PLEKHM3: variants seen among roughly 807,000 people sequenced by gnomAD.
The protein encoded by PLEKHM3 is pleckstrin homology domain containing M3, also known as pleckstrin homology domain-containing family M member 3.
Under a neutral mutation model 81.8 loss-of-function variants are expected in PLEKHM3, and 45 were observed. The ratio of observed to expected loss-of-function variants is 0.55; its 90% CI spans 0.43 to 0.71. The LOEUF (loss-of-function observed/expected upper bound fraction) is 0.71, where lower values mean the gene tolerates loss of function less well. Ranked by LOEUF, PLEKHM3 falls within the 30% of genes least tolerant of loss-of-function variation. PLEKHM3 has a pLI of 0.00. For missense variants in PLEKHM3, 788 were observed against 924.3 expected, an observed-to-expected ratio of 0.85 and a Z score of 1.91; for synonymous variants, 352 against 356.4, an observed-to-expected ratio of 0.99 and a Z score of 0.14.
chr2:207,927,132 T>C (rs1559240919), intron 5 of PLEKHM3, among the ~76,000 whole-genome samples: 1 of 152,152 alleles, frequency 6.6e-6, no homozygotes, highest in Admixed American at 6.5e-5. Flanking sequence ...AACTCCTCCC[T>C]CTTTCAGTTT....
At chr2:208,024,155 A>AATAAG (rs1310086558) in intron 1 of PLEKHM3, among the ~76,000 whole-genome samples, 4 of 148,178 alleles carry the variant, frequency 2.7e-5, no homozygotes, top group African/African-American at 1.0e-4. Flanking sequence ...AATAAAATAA[A>AATAAG]ATAAAATAAA....
At position 207,839,434 on chromosome 2, in the gene PLEKHM3, G is replaced by A. The variant is rs886163595; in HGVS notation, c.2109-10938C>T. Among the ~76,000 whole-genome samples, 7 of 152,208 alleles carry A rather than the reference G, an allele frequency of 4.6e-5. No homozygotes were observed. In the East Asian group the frequency reaches 1.4e-3, roughly 29 times the overall value. On this transcript the variant is annotated intron_variant, in intron 7 of 7. Transcript: ENST00000427836. ...TTACTGGTTATTGATGTAAATTTAG[G>A]AGAAAGGCATTTAAATAAAAGACCT... is the stretch of plus-strand genomic sequence containing the variant.
At chr2:207,899,120 T>C (rs930495704) in intron 6 of PLEKHM3, among the ~76,000 whole-genome samples, 1 of 152,132 alleles carries the variant, frequency 6.6e-6, no homozygotes, top group Non-Finnish European at 1.5e-5. Context: ...ATGGAGACAA[T>C]GATGTCCGCT....
Position 207,931,109 on chromosome 2 carries a change from T to G in PLEKHM3, c.1703A>C (p.Gln568Pro). ...WDTSKYKVSKQAKEFLEYVYE... is the reference protein window; with the variant it reads ...WDTSKYKVSKPAKEFLEYVYE... ...CACGTACTCCAGAAACTCCTTGGCCTGCTTCGACACCTACAAAACAAGCGT... is the reference window on the plus strand; with the variant it reads ...CACGTACTCCAGAAACTCCTTGGCCGGCTTCGACACCTACAAAACAAGCGT... The change falls in exon 5 of 8, where the codon CAG becomes CCG. Residue 568 changes from glutamine (Q) to proline (P), a missense_variant. Gln to Pro is a moderately conservative substitution (Grantham distance 76, BLOSUM62 -1). Coordinates refer to ENST00000427836, the MANE Select transcript of PLEKHM3 (RefSeq NM_001080475.3). 1.2e-6 allele frequency: 2 copies of G among 1,610,126 alleles called. No homozygotes were observed. Among genetic ancestry groups the G allele is most frequent in the Non-Finnish European group, 1.7e-6 (2 of 1,177,516 alleles).
At position 207,860,083 on chromosome 2, in the gene PLEKHM3, A is replaced by T. The variant is rs1477332626; in HGVS notation, c.2108+1022T>A. On this transcript the variant is annotated intron_variant, in intron 7 of 7. Transcript: ENST00000427836. The stretch of plus-strand genomic sequence containing the variant: ...AGTTTCCTCCCTTTAAGAGGTAGCT[A>T]ATCTCTGGGCTATATAAGCTCTATA... Among the ~76,000 whole-genome samples the T allele has an allele frequency of 2.0e-5, 3 of 151,208 alleles. No homozygotes were observed. The East Asian group carries it at 5.8e-4, about 29-fold the overall frequency.
chr2:207,947,372 C>T (rs544135701), intron 3 of PLEKHM3, among the ~76,000 whole-genome samples: 8 of 152,328 alleles, frequency 5.3e-5, no homozygotes, highest in Admixed American at 2.6e-4. Context: ...ACTCTGTGAG[C>T]GCTGTCTTGG....
At chr2:207,972,807 G>T (rs983814682) in intron 3 of PLEKHM3, among the ~76,000 whole-genome samples, 1 of 151,924 alleles carries the variant, frequency 6.6e-6, no homozygotes, top group African/African-American at 2.4e-5. Context: ...TTTTTCTGCA[G>T]GGCTGTTTAA....
intron 1 of PLEKHM3, among the ~76,000 whole-genome samples, chr2:208,018,368 T>C (rs1225603428): frequency 1.3e-5 from 1 of 74,180 alleles, no homozygotes; most frequent in Admixed American, 1.6e-4. Context: ...CAAGACTCTG[T>C]CTCAAAAAAA....
intron 6 of PLEKHM3, among the ~76,000 whole-genome samples, chr2:207,873,578 C>T (rs1350644687): frequency 6.6e-6 from 1 of 152,190 alleles, no homozygotes; most frequent in African/African-American, 2.4e-5. Context: ...GAAGATACTC[C>T]AGGAAATTCT....
intron 1 of PLEKHM3, among the ~76,000 whole-genome samples, chr2:208,011,621 G>GA (rs1479313498): frequency 1.3e-5 from 2 of 151,898 alleles, no homozygotes; most frequent in Admixed American, 6.6e-5. Context: ...ACAGGGTGGG[G>GA]AGGGGGTGAG....
Position 207,923,550 on chromosome 2 carries a change from T to G in PLEKHM3, c.1886+7376A>C, listed in dbSNP as rs182657765. ...TGAACCAGGGAGGTGGAGGTTGCGG[T>G]GAGCCGAGATGGCACCATTGCACTC... On this transcript the variant is annotated intron_variant, in intron 5 of 7. Coordinates refer to ENST00000427836, the MANE Select transcript of PLEKHM3 (RefSeq NM_001080475.3). 2.6e-4 allele frequency among the ~76,000 whole-genome samples: 40 copies of G among 152,064 alleles called. 1 individual carries two copies. In the East Asian group the frequency reaches 5.8e-3, roughly 22 times the overall value.
chr2:208,012,598 T>C (rs1328843688), intron 1 of PLEKHM3, among the ~76,000 whole-genome samples: 2 of 152,010 alleles, frequency 1.3e-5, no homozygotes, highest in Non-Finnish European at 2.9e-5. Flanking sequence ...AAGTATTGAG[T>C]TTGTTCAGTG....
At chr2:207,998,520 T>A (rs1241673462) in intron 2 of PLEKHM3, among the ~76,000 whole-genome samples, 1 of 152,034 alleles carries the variant, frequency 6.6e-6, no homozygotes, top group African/African-American at 2.4e-5. Flanking sequence ...TGGAAAAAAA[T>A]TTAAAAATAA....
At chr2:208,010,786 G>A (rs1167690430) in intron 1 of PLEKHM3, among the ~76,000 whole-genome samples, 1 of 152,150 alleles carries the variant, frequency 6.6e-6, no homozygotes, top group Non-Finnish European at 1.5e-5. Context: ...TTCTACTTGA[G>A]CCTGAGTAAT....
At chr2:207,886,161 T>C (rs912142517) in intron 6 of PLEKHM3, among the ~76,000 whole-genome samples, 5 of 152,174 alleles carry the variant, frequency 3.3e-5, no homozygotes, top group Non-Finnish European at 2.9e-5. Context: ...AAAGTATAAT[T>C]TTTAAAAACA....
chr2:207,905,967 T>C (rs1292590292), intron 6 of PLEKHM3, among the ~76,000 whole-genome samples: 2 of 152,048 alleles, frequency 1.3e-5, no homozygotes. Flanking sequence ...GACAGCAGGG[T>C]ATAGGAAAGC....
At chr2:207,897,650 A>C (rs1294038272) in intron 6 of PLEKHM3, among the ~76,000 whole-genome samples, 8 of 152,126 alleles carry the variant, frequency 5.3e-5, no homozygotes, top group Non-Finnish European at 2.9e-5. Context: ...AGCGGCCAGC[A>C]CCTCTGCAAT....
intron 6 of PLEKHM3, among the ~76,000 whole-genome samples, chr2:207,870,931 A>T (rs910785948): frequency 2.6e-5 from 4 of 152,192 alleles, no homozygotes; most frequent in Admixed American, 1.3e-4. Context: ...ATGAAGTGAG[A>T]TCCCTATCTC....
intron 4 of PLEKHM3, among the ~76,000 whole-genome samples, chr2:207,936,626 G>A (rs938227725): frequency 6.6e-6 from 1 of 152,054 alleles, no homozygotes; most frequent in Admixed American, 6.6e-5. Context: ...TGAAAACAAA[G>A]AGCATACGAC....
Sources: gnomAD v4.1 joint callset for allele counts (sites outside exome capture counted in the v4.1 genomes callset) on GRCh38, gnomAD v4.1.1 for gene constraint, MANE v1.5 for transcripts, NCBI Gene and HGNC (gene_info 2026-07-23, HGNC 2026-07-21) for gene names.